The following PPP1R14C variants were observed in gnomAD, a reference collection of about 807,000 sequenced individuals.
The protein encoded by PPP1R14C is protein phosphatase 1 regulatory subunit 14C.
PPP1R14C carries 16 observed loss-of-function variants against 20.4 expected under a neutral mutation model. The ratio of observed to expected loss-of-function variants is 0.78; its 90% CI spans 0.53 to 1.19. PPP1R14C has a LOEUF of 1.19. PPP1R14C is among the 50% of genes most tolerant of loss of function. The pLI, the probability that PPP1R14C is intolerant of heterozygous loss-of-function variation, is 0.00. For synonymous variants in PPP1R14C, 91 were observed against 91.0 expected (o/e 1.00, Z 0.00); for missense variants, 211 against 220.1 (o/e 0.96, Z 0.26).
At chr6:150,243,612 G>A (rs79796511) in intron 3 of PPP1R14C, among the ~76,000 whole-genome samples, 4,300 of 152,170 alleles carry the variant, frequency 0.028, 190 homozygotes, top group African/African-American at 0.098. Flanking sequence ...AAGACAATAT[G>A]GTATGGGTAT....
At chr6:150,195,910 G>A in intron 1 of PPP1R14C, 3 of 985,408 alleles carry the variant, frequency 3.0e-6, no homozygotes, top group Non-Finnish European at 3.6e-6. Context: ...GTCATGGGCA[G>A]TGATTGGCCT....
At chr6:150,209,895 C>CTG (rs1778001195) in intron 1 of PPP1R14C, among the ~76,000 whole-genome samples, 1 of 141,942 alleles carries the variant, frequency 7.0e-6, no homozygotes, top group Admixed American at 7.0e-5. Flanking sequence ...GTGTATTCAT[C>CTG]TGTGTGTATG....
chr6:150,224,355 G>A (rs993747331), intron 3 of PPP1R14C, among the ~76,000 whole-genome samples: 3 of 152,100 alleles, frequency 2.0e-5, no homozygotes, highest in African/African-American at 7.2e-5. Context: ...ATAAACCTTA[G>A]AATCAGTTTA....
chr6:150,219,239 A>ATTC lies in PPP1R14C; in HGVS notation c.423+2385_423+2386insCTT, dbSNP rs199779128. On this transcript the variant is annotated intron_variant, in intron 3 of 3. Coordinates refer to ENST00000361131, the MANE Select transcript of PPP1R14C (RefSeq NM_030949.3). Reference sequence around the variant, plus strand: ...CCTTGCCTTTATTATTATTATTATTATTATTTTGAGACAGGGTCTCGCTCT... The same window carrying ATTC: ...CCTTGCCTTTATTATTATTATTATTATTCTTATTTTGAGACAGGGTCTCGCTCT... Among the ~76,000 whole-genome samples the ATTC allele has an allele frequency of 2.3e-3, 341 of 150,728 alleles. 3 individuals carry two copies. Among genetic ancestry groups the ATTC allele is most frequent in the African/African-American group, 7.7e-3 (314 of 41,022 alleles).
intron 1 of PPP1R14C, among the ~76,000 whole-genome samples, chr6:150,208,872 T>C (rs1777986047): frequency 6.6e-6 from 1 of 152,192 alleles, no homozygotes; most frequent in Non-Finnish European, 1.5e-5. Flanking sequence ...ATTCTTAGAC[T>C]GTGCTTGCTT....
chr6:150,231,455 G>C (rs1466283207), intron 3 of PPP1R14C, among the ~76,000 whole-genome samples: 1 of 152,154 alleles, frequency 6.6e-6, no homozygotes, highest in Non-Finnish European at 1.5e-5. Flanking sequence ...ATAGTTCCTG[G>C]GCCGGTTGAC....
rs79990646 is a variant in PPP1R14C, at chr6:150,235,695, C to T, written c.424-13051C>T. On this transcript the variant is annotated intron_variant, in intron 3 of 3. Transcript: ENST00000361131. ...CTATTCTTCCTTTCCTCCTTCCCCT[C>T]CTCTTTCTTCTTTTTTTCCCTGCTT... 5.0e-3 allele frequency among the ~76,000 whole-genome samples: 768 copies of T among 152,264 alleles called. 12 individuals are homozygous for T. The highest frequency in any genetic ancestry group is 0.032 in the South Asian group (156 of 4,812).
At chr6:150,168,600 T>C (rs1435751020) in intron 1 of PPP1R14C, among the ~76,000 whole-genome samples, 1 of 146,930 alleles carries the variant, frequency 6.8e-6, no homozygotes, top group Non-Finnish European at 1.5e-5. Context: ...GTTTCCTTAG[T>C]GTAAGTCCTC....
intron 1 of PPP1R14C, among the ~76,000 whole-genome samples, chr6:150,204,417 A>G (rs1308162534): frequency 2.0e-5 from 3 of 152,128 alleles, no homozygotes; most frequent in Non-Finnish European, 4.4e-5. Flanking sequence ...TGTGGTTTTG[A>G]ACAAATCGGT....
chr6:150,163,836 T>C (rs1777397218), intron 1 of PPP1R14C, among the ~76,000 whole-genome samples: 1 of 152,214 alleles, frequency 6.6e-6, no homozygotes, highest in African/African-American at 2.4e-5. Flanking sequence ...CTCCCGAGAA[T>C]ATTATTGCGT....
At chr6:150,167,305 T>C (rs1411533645) in intron 1 of PPP1R14C, among the ~76,000 whole-genome samples, 8 of 151,490 alleles carry the variant, frequency 5.3e-5, no homozygotes, top group Non-Finnish European at 1.2e-4. Context: ...GAGGCAGAGG[T>C]TGAGGTGAGC....
intron 1 of PPP1R14C, among the ~76,000 whole-genome samples, chr6:150,174,571 T>C (rs1181767850): frequency 6.6e-6 from 1 of 151,934 alleles, no homozygotes; most frequent in Non-Finnish European, 1.5e-5. Flanking sequence ...GGTAGGAACA[T>C]TGGCTTATAA....
intron 1 of PPP1R14C, among the ~76,000 whole-genome samples, chr6:150,168,264 C>T (rs945268269): frequency 1.3e-5 from 2 of 149,164 alleles, no homozygotes; most frequent in Admixed American, 1.3e-4. Context: ...CGGCCGGGCG[C>T]GGTGGCTCAC....
intron 1 of PPP1R14C, among the ~76,000 whole-genome samples, chr6:150,170,455 T>TG (rs1175003831): frequency 6.6e-6 from 1 of 152,042 alleles, no homozygotes; most frequent in Non-Finnish European, 1.5e-5. Context: ...CCTGAGTAGC[T>TG]GGACTACAGG....
intron 1 of PPP1R14C, among the ~76,000 whole-genome samples, chr6:150,200,320 T>C (rs1777861441): frequency 6.6e-6 from 1 of 152,142 alleles, no homozygotes; most frequent in Non-Finnish European, 1.5e-5. Flanking sequence ...ATTTGAGCCC[T>C]GGAGATTGGC....
intron 1 of PPP1R14C, among the ~76,000 whole-genome samples, chr6:150,183,534 C>T (rs563347486): frequency 6.6e-6 from 1 of 150,444 alleles, no homozygotes; most frequent in East Asian, 2.0e-4. Flanking sequence ...TTTTTTGAGA[C>T]GCAGTCTCAC....
chr6:150,146,614 G>A (rs999732621), intron 1 of PPP1R14C, among the ~76,000 whole-genome samples: 11 of 152,158 alleles, frequency 7.2e-5, no homozygotes, highest in African/African-American at 1.4e-4. Flanking sequence ...GTGTCCACTC[G>A]CACGCCCAGT....
At chr6:150,248,114 C>A (rs559703936) in intron 3 of PPP1R14C, among the ~76,000 whole-genome samples, 1 of 152,234 alleles carries the variant, frequency 6.6e-6, no homozygotes, top group East Asian at 1.9e-4. Flanking sequence ...AGTCACCAGT[C>A]CCATCTTGGG....
At position 150,160,256 on chromosome 6, in the gene PPP1R14C, C is replaced by CTTTT. The variant is rs535189665; in HGVS notation, c.306+16781_306+16784dup. The stretch of plus-strand genomic sequence containing the variant: ...AGAAAATCACTATGTGTAGCTCATT[C>CTTTT]TTTTTTTTTTTTTTTTTTTTTTTTT... On this transcript the variant is annotated intron_variant, in intron 1 of 3. Transcript: ENST00000361131. Among the ~76,000 whole-genome samples, 41 of 100,910 alleles carry CTTTT rather than the reference C, an allele frequency of 4.1e-4. 2 individuals are homozygous for CTTTT. Among genetic ancestry groups the CTTTT allele is most frequent in the African/African-American group, 1.4e-3 (35 of 24,222 alleles). 66.2% of individuals were successfully genotyped at this position (100,910 alleles called of 152,430 possible). A position where few individuals can be genotyped will look rare whatever the true frequency, so the allele number is the denominator to read the frequency against.
Sources: gnomAD v4.1 joint callset for allele counts (sites outside exome capture counted in the v4.1 genomes callset) on GRCh38, gnomAD v4.1.1 for gene constraint, MANE v1.5 for transcripts, NCBI Gene and HGNC (gene_info 2026-07-23, HGNC 2026-07-21) for gene names.